Variants in ASAP2 observed in about 807,000 individuals in gnomAD.
ASAP2 encodes arf-GAP with SH3 domain, ANK repeat and PH domain-containing protein 2.
Under a neutral mutation model 131.4 loss-of-function variants are expected in ASAP2, and 45 were observed. That is an observed-to-expected ratio of 0.34 (90% CI 0.27 to 0.44). ASAP2 has a LOEUF of 0.44. Among genes scored for constraint, ASAP2 ranks in the 20% least tolerant of loss-of-function variants. ASAP2 has a pLI of 1.00. For missense variants in ASAP2, 1,011 were observed against 1,297.0 expected (o/e 0.78, Z 3.39); for synonymous variants, 510 against 503.0 (o/e 1.01, Z -0.19).
At chr2:9,292,605 C>T (rs1203289013) in intron 2 of ASAP2, among the ~76,000 whole-genome samples, 1 of 152,114 alleles carries the variant, frequency 6.6e-6, no homozygotes, top group Admixed American at 6.5e-5. Context: ...GGGGCTAATG[C>T]CTGTCTGTTT....
intron 1 of ASAP2, among the ~76,000 whole-genome samples, chr2:9,278,480 T>A (rs988338847): frequency 1.3e-5 from 2 of 149,466 alleles, no homozygotes; most frequent in Non-Finnish European, 3.0e-5. Flanking sequence ...GCCACTGCAC[T>A]CTAGCCTGGG....
rs1421810279 is a variant in ASAP2 at position 9,334,734 on chromosome 2, C to T, written c.687-4C>T. 6.2e-7 allele frequency: 1 copy of T among 1,611,660 alleles called. No individual in the cohort carries two copies. The highest frequency in any genetic ancestry group is 1.1e-5 in the South Asian group (1 of 90,626). ...TCATCTCTGTTTCTTCTTTTTCCTG[C>T]TAGTTTTTTTCAGGATGGACTCAAA... is the stretch of plus-strand genomic sequence containing the variant. On this transcript the variant is annotated splice_polypyrimidine_tract_variant and splice_region_variant and intron_variant, in intron 7 of 27. Coordinates refer to ENST00000281419, the MANE Select transcript of ASAP2 (RefSeq NM_003887.3).
At chr2:9,342,804 T>C (rs1671676947) in intron 9 of ASAP2, among the ~76,000 whole-genome samples, 1 of 152,236 alleles carries the variant, frequency 6.6e-6, no homozygotes. Context: ...TCAGATGCAG[T>C]ATTTGTCTAG....
At chr2:9,239,739 T>C (rs2709566) in intron 1 of ASAP2, among the ~76,000 whole-genome samples, 1 of 151,866 alleles carries the variant, frequency 6.6e-6, no homozygotes, top group Non-Finnish European at 1.5e-5. Context: ...ATCTTTTTTT[T>C]TTTGTTTTAG....
At chr2:9,365,678 G>C (rs1420210008) in intron 15 of ASAP2, among the ~76,000 whole-genome samples, 1 of 152,194 alleles carries the variant, frequency 6.6e-6, no homozygotes, top group African/African-American at 2.4e-5. Flanking sequence ...CCAAGAAAAG[G>C]GGCCTCCTGG....
chr2:9,222,427 T>G (rs1221567224), intron 1 of ASAP2, among the ~76,000 whole-genome samples: 1 of 152,230 alleles, frequency 6.6e-6, no homozygotes, highest in Non-Finnish European at 1.5e-5. Flanking sequence ...GTGTGTTCTC[T>G]GCAACCGCAA....
In ASAP2 at chr2:9,285,358, C is replaced by T. The variant is rs377690823; in HGVS notation, c.199+5969C>T. Among the ~76,000 whole-genome samples, 27 of 152,268 alleles carry T rather than the reference C, an allele frequency of 1.8e-4. No homozygotes were observed. The East Asian group carries it at 3.7e-3, about 21-fold the overall frequency. On this transcript the variant is annotated intron_variant, in intron 2 of 27. Coordinates refer to ENST00000281419, the MANE Select transcript of ASAP2 (RefSeq NM_003887.3). Reference sequence around the variant, plus strand: ...ATCCTACCTCAGAACCCCCCATCCCCACTTCAAACACTGAACTGGGACAAA... The same window carrying T: ...ATCCTACCTCAGAACCCCCCATCCCTACTTCAAACACTGAACTGGGACAAA...
intron 3 of ASAP2, among the ~76,000 whole-genome samples, chr2:9,307,484 CG>C (rs1245247152): frequency 6.6e-6 from 1 of 152,216 alleles, no homozygotes; most frequent in African/African-American, 2.4e-5. Context: ...TACCATCACC[CG>C]GTTTTAGAAG....
intron 3 of ASAP2, among the ~76,000 whole-genome samples, chr2:9,317,935 A>G (rs114560213): frequency 6.6e-6 from 1 of 152,118 alleles, no homozygotes; most frequent in Non-Finnish European, 1.5e-5. Flanking sequence ...TCACACCTTT[A>G]CACACCCACA....
chr2:9,390,341 T>C (rs1372574028), intron 22 of ASAP2, among the ~76,000 whole-genome samples: 1 of 152,244 alleles, frequency 6.6e-6, no homozygotes, highest in Non-Finnish European at 1.5e-5. Context: ...AGGCTTCCTC[T>C]GGACCCAGTG....
At chr2:9,256,293 G>A (rs1239972198) in intron 1 of ASAP2, among the ~76,000 whole-genome samples, 2 of 152,094 alleles carry the variant, frequency 1.3e-5, no homozygotes, top group African/African-American at 2.4e-5. Flanking sequence ...GTCAGTGGGC[G>A]CCAGGATGTT....
At chr2:9,369,881 G>A (rs1572566748) in intron 16 of ASAP2, among the ~76,000 whole-genome samples, 1 of 152,044 alleles carries the variant, frequency 6.6e-6, no homozygotes, top group Non-Finnish European at 1.5e-5. Flanking sequence ...AAGACCTCTT[G>A]CCCAGGCTGG....
chr2:9,354,645 C>CAA (rs566781964), intron 12 of ASAP2, among the ~76,000 whole-genome samples: 29 of 74,018 alleles, frequency 3.9e-4, no homozygotes, highest in South Asian at 1.2e-3. Flanking sequence ...GACTCCGTCT[C>CAA]AAAAAAAAAA....
At chr2:9,299,607 C>T (rs76823898) in intron 3 of ASAP2, among the ~76,000 whole-genome samples, 2 of 152,244 alleles carry the variant, frequency 1.3e-5, no homozygotes, top group East Asian at 1.9e-4. Context: ...AGGATCATGG[C>T]GAAGGGAAGT....
chr2:9,345,953 A>G (rs1278816637), intron 11 of ASAP2, among the ~76,000 whole-genome samples: 3 of 151,814 alleles, frequency 2.0e-5, no homozygotes, highest in Non-Finnish European at 4.4e-5. Flanking sequence ...GAGAGGAGCT[A>G]GAATAGTATA....
intron 1 of ASAP2, among the ~76,000 whole-genome samples, chr2:9,255,198 T>C (rs1665073404): frequency 6.6e-6 from 1 of 152,246 alleles, no homozygotes; most frequent in Non-Finnish European, 1.5e-5. Flanking sequence ...TGTATCTTCT[T>C]TGATGTTATG....
At chr2:9,393,052 GCCCAGCAGC>G (rs1675842723) in intron 23 of ASAP2, among the ~76,000 whole-genome samples, 1 of 152,176 alleles carries the variant, frequency 6.6e-6, no homozygotes, top group Admixed American at 6.5e-5. Flanking sequence ...GATCCACCCT[GCCCAGCAGC>G]CCGATGAAGT....
chr2:9,312,345 C>T (rs1311439794), intron 3 of ASAP2, among the ~76,000 whole-genome samples: 1 of 152,196 alleles, frequency 6.6e-6, no homozygotes, highest in Non-Finnish European at 1.5e-5. Flanking sequence ...ATTGACCTGG[C>T]ACCAGGCTTC....
At chr2:9,240,930 A>T (rs2148074107) in intron 1 of ASAP2, among the ~76,000 whole-genome samples, 1 of 152,386 alleles carries the variant, frequency 6.6e-6, no homozygotes, top group African/African-American at 2.4e-5. Context: ...ACTCATGGGC[A>T]GGTAGCATGG....
Sources: allele counts gnomAD v4.1 joint callset (sites outside exome capture counted in the v4.1 genomes callset), GRCh38; gene constraint gnomAD v4.1.1; transcripts MANE v1.5; gene names NCBI Gene and HGNC (gene_info 2026-07-23, HGNC 2026-07-21).